CCNJL: variants seen among roughly 807,000 people sequenced by gnomAD.
CCNJL encodes cyclin J like, also known as cyclin-J-like protein.
In CCNJL, 33 loss-of-function variants were observed where a neutral mutation model predicts 33.4. The ratio of observed to expected loss-of-function variants is 0.99; its 90% CI spans 0.75 to 1.32. CCNJL has a LOEUF of 1.32. CCNJL is among the 40% of genes most tolerant of loss of function. The pLI is 0.00. For missense variants in CCNJL, 512 were observed against 499.7 expected (o/e 1.02, Z -0.23); for synonymous variants, 227 against 220.9 (o/e 1.03, Z -0.24).
chr5:160,258,530 C>G, intron 4 of CCNJL: 1 of 1,509,956 alleles, frequency 6.6e-7, no homozygotes, highest in Non-Finnish European at 9.2e-7. Flanking sequence ...TACCTTGAAC[C>G]GTATCTGAAA....
chr5:160,321,014 CTTTCTT>C (rs776090169), intron 1 of CCNJL, among the ~76,000 whole-genome samples: 1,852 of 35,198 alleles, frequency 0.053, 5 homozygotes, highest in Middle Eastern at 0.077. Context: ...CTCTCTCTCT[CTTTCTT>C]TCTTTCTTTC....
chr5:160,312,791 G>A (rs1387129207), upstream of CCNJL: 1 of 152,210 alleles, frequency 6.6e-6, no homozygotes, highest in Non-Finnish European at 1.5e-5. Context: ...TCCGGCTTGC[G>A]CAGGGAGCAA....
intron 1 of CCNJL, among the ~76,000 whole-genome samples, chr5:160,339,165 A>G (rs1220086835): frequency 6.6e-6 from 1 of 152,072 alleles, no homozygotes; most frequent in Non-Finnish European, 1.5e-5. Context: ...TTGCAATTAA[A>G]CCTCAATCTC....
Position 160,300,418 on chromosome 5 carries a change from C to A in CCNJL, c.66+11440G>T, listed in dbSNP as rs1762885670. 5.3e-5 allele frequency among the ~76,000 whole-genome samples: 8 copies of A among 152,292 alleles called. No homozygotes were observed. The South Asian group carries it at 1.7e-3, about 32-fold the overall frequency. On this transcript the variant is annotated intron_variant, in intron 2 of 5. Transcript: ENST00000257536. ...TCAGAGTTCCCTTCCTCTCGCCTTGCCATCCTCTAGCACAAGCGTGTCCAA... is the reference window on the plus strand; with the variant it reads ...TCAGAGTTCCCTTCCTCTCGCCTTGACATCCTCTAGCACAAGCGTGTCCAA...
chr5:160,290,987 T>A (rs1161014780), intron 2 of CCNJL, among the ~76,000 whole-genome samples: 2 of 129,320 alleles, frequency 1.5e-5, no homozygotes, highest in East Asian at 4.3e-4. Context: ...GACAGGAGGA[T>A]CGCTTGATGA....
chr5:160,321,075 TTTCTTTCTTTCTTTCC>T (rs1226210530), intron 1 of CCNJL, among the ~76,000 whole-genome samples: 16 of 99,264 alleles, frequency 1.6e-4, no homozygotes, highest in African/African-American at 7.2e-4. Flanking sequence ...TCTTTCTTTC[TTTCTTTCTTTCTTTCC>T]TTCTCTCTTT....
intron 3 of CCNJL, among the ~76,000 whole-genome samples, chr5:160,271,464 G>C: frequency 6.6e-6 from 1 of 152,230 alleles, no homozygotes; most frequent in East Asian, 1.9e-4. Flanking sequence ...CAATTTAAGA[G>C]CTTCCGGCCC....
chr5:160,288,965 C>T (rs906765681), intron 2 of CCNJL, among the ~76,000 whole-genome samples: 3 of 152,012 alleles, frequency 2.0e-5, no homozygotes, highest in East Asian at 3.8e-4. Context: ...AATGCCATAG[C>T]GATCTACAAC....
chr5:160,260,156 G>A (rs1761257637), intron 3 of CCNJL, among the ~76,000 whole-genome samples: 1 of 152,160 alleles, frequency 6.6e-6, no homozygotes, highest in African/African-American at 2.4e-5. Flanking sequence ...GGGGAATAAG[G>A]TGCCCTCCCT....
At chr5:160,282,334 T>C (rs1580981813) in intron 2 of CCNJL, among the ~76,000 whole-genome samples, 1 of 131,922 alleles carries the variant, frequency 7.6e-6, no homozygotes. Flanking sequence ...GACATAAACG[T>C]TAAGACTTAC....
intron 5 of CCNJL, 68 bp downstream of exon 5, chr5:160,255,481 T>C: frequency 6.6e-7 from 1 of 1,504,906 alleles, no homozygotes; most frequent in Non-Finnish European, 9.2e-7. Context: ...GCCCGTGGCC[T>C]GAGGCAGGCC....
At chr5:160,278,754 C>T (rs140728627) in intron 3 of CCNJL, among the ~76,000 whole-genome samples, 20 of 152,192 alleles carry the variant, frequency 1.3e-4, no homozygotes, top group African/African-American at 1.2e-4. Context: ...CTGCCCCCAG[C>T]GGGCCGCGAT....
chr5:160,313,833 G>C (rs1763343272), upstream of CCNJL, among the ~76,000 whole-genome samples: 2 of 152,326 alleles, frequency 1.3e-5, no homozygotes, highest in Admixed American at 6.5e-5. Flanking sequence ...CTTCAAATGG[G>C]AGAATATCTG....
At chr5:160,255,797 C>T (rs552724765) in intron 4 of CCNJL, 89 bp from the exon 5 acceptor site, 1 of 1,142,188 alleles carries the variant, frequency 8.8e-7, no homozygotes, top group Admixed American at 2.1e-5. Flanking sequence ...AAATGAATCG[C>T]TTTCAAGGCT....
chr5:160,258,408 T>C, intron 4 of CCNJL: 1 of 865,566 alleles, frequency 1.2e-6, no homozygotes, highest in Non-Finnish European at 2.0e-6. Context: ...GAAGGCTTCC[T>C]GAGAACCTTT....
intron 3 of CCNJL, 79 bp from the exon 4 acceptor site, chr5:160,259,850 G>T: frequency 1.7e-6 from 2 of 1,182,838 alleles, no homozygotes; most frequent in Non-Finnish European, 2.4e-6. Context: ...ACCTTACAGT[G>T]CCTGGACATT....
intron 3 of CCNJL, among the ~76,000 whole-genome samples, chr5:160,271,171 G>A (rs1331362046): frequency 2.6e-5 from 4 of 152,134 alleles, no homozygotes; most frequent in Admixed American, 1.3e-4. Flanking sequence ...TATCTCGTTC[G>A]AGTCTGAAAC....
rs1760761989 is a variant in CCNJL at position 160,249,878 on chromosome 5, A to G, written c.*3500T>C. ...ACAACTGAAATATAAAAAACAAACA[A>G]AGAAATCATATGCCTGAATGACCAA... On this transcript the variant is annotated 3_prime_UTR_variant, in exon 6 of 6. Coordinates refer to ENST00000257536, the MANE Select transcript of CCNJL (RefSeq NM_001308173.3). The G allele has an allele frequency of 6.6e-6, 1 of 152,106 alleles. No individual in the cohort carries two copies. Among genetic ancestry groups the G allele is most frequent in the African/African-American group, 2.4e-5 (1 of 41,450 alleles). 9.4% of individuals were successfully genotyped at this position (152,106 alleles called of 1,614,324 possible). A position where few individuals can be genotyped will look rare whatever the true frequency, so the allele number is the denominator to read the frequency against.
intron 4 of CCNJL, chr5:160,258,341 T>C (rs1431456299): frequency 7.8e-6 from 6 of 765,132 alleles, no homozygotes; most frequent in East Asian, 4.9e-5. Flanking sequence ...TTCAATAAAC[T>C]GGGGTTAATG....
Sources: allele counts gnomAD v4.1 joint callset (sites outside exome capture counted in the v4.1 genomes callset), GRCh38; gene constraint gnomAD v4.1.1; transcripts MANE v1.5; gene names NCBI Gene and HGNC (gene_info 2026-07-23, HGNC 2026-07-21).